The following ZFYVE9 variants were observed in gnomAD, a reference collection of about 807,000 sequenced individuals.
ZFYVE9 encodes the protein zinc finger FYVE domain-containing protein 9.
A neutral mutation model predicts 126.7 loss-of-function variants in ZFYVE9; 43 were observed. The ratio of observed to expected loss-of-function variants is 0.34; its 90% CI spans 0.27 to 0.44. The LOEUF is 0.44. Among genes scored for constraint, ZFYVE9 ranks in the 20% least tolerant of loss-of-function variants. The probability of loss-of-function intolerance (pLI) is 1.00; values close to 1 mark genes in which losing one functional copy is unlikely to be tolerated. For synonymous variants in ZFYVE9, 521 were observed against 597.4 expected, an observed-to-expected ratio of 0.87 and a Z score of 1.87; for missense variants, 1,476 against 1,697.0, an observed-to-expected ratio of 0.87 and a Z score of 2.29.
intron 4 of ZFYVE9, among the ~76,000 whole-genome samples, chr1:52,257,756 C>T (rs113794935): frequency 9.9e-5 from 15 of 152,068 alleles, no homozygotes; most frequent in African/African-American, 3.4e-4. Context: ...TTTTTTGAGA[C>T]GGGGTTTCGC....
At chr1:52,266,145 C>G (rs780498048) in intron 5 of ZFYVE9, among the ~76,000 whole-genome samples, 10 of 151,946 alleles carry the variant, frequency 6.6e-5, no homozygotes, top group East Asian at 5.8e-4. Context: ...GTTGCCCAGG[C>G]TGGAGTGCAG....
intron 4 of ZFYVE9, among the ~76,000 whole-genome samples, chr1:52,254,995 G>C (rs374490721): frequency 1.9e-4 from 29 of 151,928 alleles, no homozygotes; most frequent in African/African-American, 6.5e-4. Context: ...GGGAGGCTGA[G>C]TTGGGAGGAT....
At chr1:52,298,586 G>A (rs1266224627) in intron 12 of ZFYVE9, among the ~76,000 whole-genome samples, 1 of 152,044 alleles carries the variant, frequency 6.6e-6, no homozygotes, top group Admixed American at 6.6e-5. Flanking sequence ...GATATCTCTA[G>A]CTTTGTTCTT....
At chr1:52,242,031 CTTTTTTTTTT>C (rs975430437) in intron 4 of ZFYVE9, among the ~76,000 whole-genome samples, 4 of 106,440 alleles carry the variant, frequency 3.8e-5, no homozygotes, top group Non-Finnish European at 5.5e-5. Context: ...TCATGGCAAT[CTTTTTTTTTT>C]TTTTTTTTTT....
intron 1 of ZFYVE9, among the ~76,000 whole-genome samples, chr1:52,178,432 A>C (rs905042379): frequency 9.2e-5 from 14 of 151,714 alleles, no homozygotes; most frequent in African/African-American, 3.4e-4. Context: ...CCTGGATTCA[A>C]GTGATTCTCT....
At chr1:52,173,680 T>G (rs1194104774) in intron 1 of ZFYVE9, among the ~76,000 whole-genome samples, 1 of 152,078 alleles carries the variant, frequency 6.6e-6, no homozygotes, top group Non-Finnish European at 1.5e-5. Context: ...CAATTTCAGA[T>G]CCTGTTATTG....
At chr1:52,319,492 C>T (rs1646217755) in intron 13 of ZFYVE9, among the ~76,000 whole-genome samples, 1 of 151,102 alleles carries the variant, frequency 6.6e-6, no homozygotes, top group South Asian at 2.1e-4. Flanking sequence ...GGCGTGGTGG[C>T]GCATACCTAT....
At chr1:52,320,208 T>G (rs1646226280) in intron 13 of ZFYVE9, among the ~76,000 whole-genome samples, 1 of 151,710 alleles carries the variant, frequency 6.6e-6, no homozygotes, top group Admixed American at 6.6e-5. Context: ...GTACCTGGGA[T>G]TACAGGCACA....
At chr1:52,216,061 T>C (rs556812183) in intron 1 of ZFYVE9, among the ~76,000 whole-genome samples, 2 of 152,256 alleles carry the variant, frequency 1.3e-5, no homozygotes, top group African/African-American at 2.4e-5. Context: ...TATATACTTA[T>C]GAATTAACAC....
chr1:52,282,208 G>A (rs1480975590), intron 10 of ZFYVE9, among the ~76,000 whole-genome samples: 1 of 152,040 alleles, frequency 6.6e-6, no homozygotes, highest in Non-Finnish European at 1.5e-5. Flanking sequence ...AAAACAATTA[G>A]CATACATGAC....
chr1:52,235,098 A>G (rs376982621), intron 3 of ZFYVE9, among the ~76,000 whole-genome samples: 91 of 152,162 alleles, frequency 6.0e-4, no homozygotes, highest in Non-Finnish European at 1.1e-3. Flanking sequence ...GCAATTGCTT[A>G]CAGAATAATA....
At chr1:52,265,504 T>C (rs983794457) in intron 5 of ZFYVE9, among the ~76,000 whole-genome samples, 2 of 152,222 alleles carry the variant, frequency 1.3e-5, no homozygotes, top group African/African-American at 4.8e-5. Context: ...ATCTTTCATT[T>C]CTGTAGCACC....
At chr1:52,179,964 G>A (rs2124538077) in intron 1 of ZFYVE9, 1 of 1,050,666 alleles carries the variant, frequency 9.5e-7, no homozygotes, top group Non-Finnish European at 1.5e-6. Context: ...CCAGCAGTCA[G>A]TCGTGACAAC....
intron 16 of ZFYVE9, among the ~76,000 whole-genome samples, chr1:52,338,163 C>CA (rs1308417088): frequency 1.3e-5 from 2 of 152,056 alleles, no homozygotes; most frequent in Admixed American, 6.5e-5. Context: ...ATTGATGAAA[C>CA]AAAAAAGTCC....
At chr1:52,182,045 G>A (rs1427610065) in intron 1 of ZFYVE9, among the ~76,000 whole-genome samples, 5 of 151,470 alleles carry the variant, frequency 3.3e-5, no homozygotes, top group African/African-American at 1.2e-4. Flanking sequence ...CGGGAGGGAG[G>A]CGAGGGGGTC....
chr1:52,255,469 C>T (rs773324597), intron 4 of ZFYVE9, among the ~76,000 whole-genome samples: 44 of 151,522 alleles, frequency 2.9e-4, no homozygotes, highest in Admixed American at 3.9e-4. Flanking sequence ...CCTGTAGTCC[C>T]GGCTACTCAG....
chr1:52,253,551 T>TGGG, intron 4 of ZFYVE9: 5 of 741,986 alleles, frequency 6.7e-6, no homozygotes, highest in Non-Finnish European at 1.2e-5. Context: ...GGAAGCCGAG[T>TGGG]GGGAGTGGCA....
At chr1:52,340,904 C>CA (rs10608842) in intron 17 of ZFYVE9, among the ~76,000 whole-genome samples, 1,065 of 100,534 alleles carry the variant, frequency 0.011, 27 homozygotes, top group African/African-American at 0.035. Context: ...GACTCCGTCT[C>CA]AAAAAAAAAA....
At chr1:52,268,708 T>C (rs568669621) in intron 7 of ZFYVE9, 76 bp downstream of exon 7, 1 of 1,511,294 alleles carries the variant, frequency 6.6e-7, no homozygotes, top group South Asian at 1.3e-5. Flanking sequence ...GAATTACTTT[T>C]GTGTGGAACT....
Sources: gnomAD v4.1 joint callset for allele counts (sites outside exome capture counted in the v4.1 genomes callset) on GRCh38, gnomAD v4.1.1 for gene constraint, MANE v1.5 for transcripts, NCBI Gene and HGNC (gene_info 2026-07-23, HGNC 2026-07-21) for gene names.